Variants in DLG1 observed in about 807,000 individuals in gnomAD.
The protein encoded by DLG1 is disks large homolog 1.
Under a neutral mutation model 123.4 loss-of-function variants are expected in DLG1, and 42 were observed. That is an observed-to-expected ratio of 0.34 (90% confidence interval 0.27 to 0.44). The LOEUF (loss-of-function observed/expected upper bound fraction) is 0.44, where lower values mean the gene tolerates loss of function less well. Among genes scored for constraint, DLG1 ranks in the 20% least tolerant of loss-of-function variants. DLG1 has a pLI of 1.00. For synonymous variants in DLG1, 317 were observed against 356.2 expected, an observed-to-expected ratio of 0.89 and a Z score of 1.24; for missense variants, 942 against 1,082.6, an observed-to-expected ratio of 0.87 and a Z score of 1.82.
At chr3:197,193,830 T>C (rs78055009) in intron 5 of DLG1, among the ~76,000 whole-genome samples, 5,604 of 152,162 alleles carry the variant, frequency 0.037, 161 homozygotes, top group South Asian at 0.051. Context: ...TGCTCTTTTT[T>C]TTTTTTTTGA....
intron 23 of DLG1, among the ~76,000 whole-genome samples, chr3:197,055,381 G>T (rs1730953754): frequency 6.6e-6 from 1 of 152,122 alleles, no homozygotes; most frequent in Non-Finnish European, 1.5e-5. Context: ...TCCTTTGAAT[G>T]GGCTATATTT....
Position 197,136,582 on chromosome 3 carries a change from T to A in DLG1, c.980A>T (p.His327Leu). The A allele has an allele frequency of 6.2e-7, 1 of 1,613,388 alleles. No homozygotes were observed. The highest frequency in any genetic ancestry group is 1.1e-5 in the South Asian group (1 of 90,960). ...TCCAATCTGAAGTTTGCCATCCTTA[T>A]GTGCTGCACCTCCTTCAATTATTTT... ...VTKIIEGGAA[H>L]KDGKLQIGDK... The change falls in exon 10 of 25, where the codon CAT becomes CTT. Residue 327 changes from histidine to leucine, a missense_variant. Physicochemically the swap from His to Leu is moderately conservative, Grantham distance 99 (BLOSUM62 -3). Coordinates refer to ENST00000667157, the MANE Select transcript of DLG1 (RefSeq NM_001366207.1).
At chr3:197,226,517 T>C (rs148496146) in intron 4 of DLG1, among the ~76,000 whole-genome samples, 1 of 152,370 alleles carries the variant, frequency 6.6e-6, no homozygotes, top group East Asian at 1.9e-4. Context: ...CACTGTAGTC[T>C]GATTTAAAAT....
chr3:197,238,741 A>G (rs1319214810), intron 4 of DLG1, among the ~76,000 whole-genome samples: 5 of 152,228 alleles, frequency 3.3e-5, no homozygotes, highest in African/African-American at 1.2e-4. Context: ...GCAATGAATC[A>G]AAGAAGAAAT....
chr3:197,190,540 G>A (rs1718739451), intron 5 of DLG1, among the ~76,000 whole-genome samples: 1 of 152,182 alleles, frequency 6.6e-6, no homozygotes, highest in East Asian at 1.9e-4. Context: ...TGTTGTTCAA[G>A]GGTCAACTAT....
chr3:197,162,613 T>C (rs574263998), intron 5 of DLG1, among the ~76,000 whole-genome samples: 2 of 152,166 alleles, frequency 1.3e-5, no homozygotes, highest in Admixed American at 6.5e-5. Context: ...TTATTAACAA[T>C]GTATGGAGTC....
chr3:197,233,318 T>A (rs1235543394), intron 4 of DLG1, among the ~76,000 whole-genome samples: 1 of 152,212 alleles, frequency 6.6e-6, no homozygotes, highest in Non-Finnish European at 1.5e-5. Flanking sequence ...TATTCATGGA[T>A]TAGAAGAACT....
intron 4 of DLG1, among the ~76,000 whole-genome samples, chr3:197,208,157 T>C (rs1729563678): frequency 6.8e-6 from 1 of 146,516 alleles, no homozygotes; most frequent in Admixed American, 6.9e-5. Context: ...AAAATATGTT[T>C]ATCTACTACT....
intron 4 of DLG1, among the ~76,000 whole-genome samples, chr3:197,238,195 G>T (rs1292010773): frequency 6.6e-6 from 1 of 152,068 alleles, no homozygotes; most frequent in African/African-American, 2.4e-5. Context: ...AAAACACAGG[G>T]TTTAAATAAG....
intron 19 of DLG1, among the ~76,000 whole-genome samples, chr3:197,067,846 C>T (rs528848605): frequency 4.6e-5 from 7 of 152,230 alleles, no homozygotes; most frequent in African/African-American, 9.6e-5. Flanking sequence ...CGTGAGCCGC[C>T]GCGCCCGGCC....
intron 2 of DLG1, chr3:197,296,703 GGA>G (rs1232222106): frequency 1.1e-5 from 5 of 438,362 alleles, no homozygotes; most frequent in Non-Finnish European, 1.6e-5. Flanking sequence ...AGAAAACGGA[GGA>G]GAGTGAGCAG....
At chr3:197,273,837 T>A in intron 4 of DLG1, among the ~76,000 whole-genome samples, 1 of 50,408 alleles carries the variant, frequency 2.0e-5, no homozygotes, top group African/African-American at 8.1e-5. Flanking sequence ...CAATCACATT[T>A]ATAATAGCTA....
intron 5 of DLG1, among the ~76,000 whole-genome samples, chr3:197,171,156 T>A (rs894869563): frequency 6.6e-6 from 1 of 150,448 alleles, no homozygotes; most frequent in Admixed American, 6.6e-5. Flanking sequence ...TATTTAAAAG[T>A]AAGAGAGAAA....
chr3:197,091,177 A>C (rs41284057), intron 14 of DLG1, 151 bp from the exon 15 acceptor site: 34,534 of 503,130 alleles, frequency 0.069, 1,559 homozygotes, highest in South Asian at 0.089. Flanking sequence ...CCCAACACAT[A>C]AATTTCAAAA....
At chr3:197,171,456 AAAACT>A (rs1170759181) in intron 5 of DLG1, among the ~76,000 whole-genome samples, 1 of 152,248 alleles carries the variant, frequency 6.6e-6, no homozygotes, top group African/African-American at 2.4e-5. Context: ...AAACAATTAT[AAAACT>A]AAACACATTT....
At chr3:197,219,103 C>A (rs1015544318) in intron 4 of DLG1, among the ~76,000 whole-genome samples, 1 of 151,732 alleles carries the variant, frequency 6.6e-6, no homozygotes, top group African/African-American at 2.4e-5. Flanking sequence ...GCACTCCAGC[C>A]TGGGCGACAA....
rs1382762879 is a variant in DLG1, at chr3:197,119,548, T to C, written c.1166-18A>G. The C allele has an allele frequency of 6.3e-7, 1 of 1,590,998 alleles. No individual in the cohort carries two copies. Among genetic ancestry groups the C allele is most frequent in the Non-Finnish European group, 8.6e-7 (1 of 1,167,576 alleles). On this transcript the variant is annotated intron_variant, in intron 11 of 24. Coordinates refer to ENST00000667157, the MANE Select transcript of DLG1 (RefSeq NM_001366207.1). ...AGAAGAAGCTTCAAAATAAACAAAG[T>C]GAAAAATACTTCAAACACGAAACAA...
chr3:197,298,766 C>T (rs1011370134), upstream of DLG1: 5 of 395,900 alleles, frequency 1.3e-5, no homozygotes, highest in African/African-American at 6.2e-5. Context: ...TTAAGTTACT[C>T]TTCGTCCCTT....
intron 18 of DLG1, among the ~76,000 whole-genome samples, chr3:197,075,317 CAAAAAA>C (rs58384491): frequency 3.3e-5 from 3 of 90,294 alleles, no homozygotes; most frequent in Admixed American, 1.3e-4. Context: ...ATAACTTTCT[CAAAAAA>C]AAAAAAAAAA....
Sources: gnomAD v4.1 joint callset for allele counts (sites outside exome capture counted in the v4.1 genomes callset) on GRCh38, gnomAD v4.1.1 for gene constraint, MANE v1.5 for transcripts, NCBI Gene and HGNC (gene_info 2026-07-23, HGNC 2026-07-21) for gene names.